LRRIQ1: variants seen among roughly 807,000 people sequenced by gnomAD.
LRRIQ1 encodes leucine rich repeats and IQ motif containing 1.
A neutral mutation model predicts 211.9 loss-of-function variants in LRRIQ1; 210 were observed. That is an observed-to-expected ratio of 0.99 (90% CI 0.89 to 1.11). The LOEUF is 1.11. LRRIQ1 is among the 50% of genes most tolerant of loss of function. The pLI is 0.00. For missense variants in LRRIQ1, 2,136 were observed against 1,939.5 expected (o/e 1.10, Z -1.90); for synonymous variants, 699 against 650.1 (o/e 1.08, Z -1.14).
intron 11 of LRRIQ1, among the ~76,000 whole-genome samples, chr12:85,078,331 G>T (rs1366370247): frequency 6.6e-6 from 1 of 152,088 alleles, no homozygotes; most frequent in Non-Finnish European, 1.5e-5. Context: ...ATAATGAGGT[G>T]AAGTTACCCT....
intron 10 of LRRIQ1, among the ~76,000 whole-genome samples, chr12:85,072,541 T>G (rs939848493): frequency 1.1e-5 from 1 of 89,270 alleles, no homozygotes; most frequent in African/African-American, 3.0e-5. Context: ...TTAATCAGCC[T>G]TTTTTTTTTT....
chr12:85,072,088 C>T (rs866286738), intron 10 of LRRIQ1, among the ~76,000 whole-genome samples: 93 of 151,990 alleles, frequency 6.1e-4, no homozygotes, highest in Admixed American at 4.4e-3. Flanking sequence ...TTTTTTCAAT[C>T]GTATTGACAT....
chr12:85,044,986 A>C (rs1879366136), intron 4 of LRRIQ1, among the ~76,000 whole-genome samples, 177 bp downstream of exon 4: 1 of 151,916 alleles, frequency 6.6e-6, no homozygotes, highest in Non-Finnish European at 1.5e-5. Flanking sequence ...ATATAAAAAC[A>C]CTCAATTTTC....
At chr12:85,237,757 G>A (rs1176892791) in intron 26 of LRRIQ1, among the ~76,000 whole-genome samples, 1 of 151,890 alleles carries the variant, frequency 6.6e-6, no homozygotes, top group East Asian at 1.9e-4. Context: ...AAAAGACCAA[G>A]TTAATCAACA....
intron 15 of LRRIQ1, among the ~76,000 whole-genome samples, chr12:85,110,109 T>C (rs1348336153): frequency 3.3e-5 from 5 of 152,124 alleles, no homozygotes; most frequent in Non-Finnish European, 7.4e-5. Context: ...AAATTTACTA[T>C]TTCCCATTAC....
At chr12:85,120,400 T>G (rs1257022877) in intron 15 of LRRIQ1, among the ~76,000 whole-genome samples, 1 of 152,224 alleles carries the variant, frequency 6.6e-6, no homozygotes, top group Non-Finnish European at 1.5e-5. Flanking sequence ...TGTCTATTCT[T>G]TCACCAATAC....
intron 24 of LRRIQ1, among the ~76,000 whole-genome samples, chr12:85,198,864 G>A (rs1320474508): frequency 6.6e-6 from 1 of 151,802 alleles, no homozygotes; most frequent in African/African-American, 2.4e-5. Flanking sequence ...CACCGCACCC[G>A]GCCGATGTTA....
At chr12:85,230,735 G>A (rs1311495596) in intron 25 of LRRIQ1, among the ~76,000 whole-genome samples, 2 of 152,158 alleles carry the variant, frequency 1.3e-5, no homozygotes, top group African/African-American at 4.8e-5. Context: ...GAGTAAAAGT[G>A]TTATTATAGG....
chr12:85,190,036 T>C (rs1206544197), intron 24 of LRRIQ1, among the ~76,000 whole-genome samples: 1 of 142,010 alleles, frequency 7.0e-6, no homozygotes, highest in Non-Finnish European at 1.5e-5. Flanking sequence ...ATATATAATA[T>C]ATAACCTATA....
At chr12:85,124,705 GC>G in intron 17 of LRRIQ1, 186 bp downstream of exon 17, 1 of 535,318 alleles carries the variant, frequency 1.9e-6, no homozygotes, top group Non-Finnish European at 3.3e-6. Context: ...TAATTATAGT[GC>G]ATATTAATTT....
intron 24 of LRRIQ1, among the ~76,000 whole-genome samples, chr12:85,222,916 G>A (rs774093833): frequency 2.6e-5 from 4 of 152,108 alleles, no homozygotes; most frequent in Non-Finnish European, 5.9e-5. Context: ...AAGTAAAATG[G>A]TTGCAATGGC....
chr12:85,093,738 A>G lies in LRRIQ1; in HGVS notation c.2888-4617A>G, dbSNP rs1289890999. 2.0e-5 allele frequency among the ~76,000 whole-genome samples: 3 copies of G among 152,228 alleles called. No individual in the cohort carries two copies. The East Asian group carries it at 5.8e-4, about 29-fold the overall frequency. ...TCGGCAGATAAAGTGACTGCATTCAAAGCCAAACTGGAATTTTGGATGCAA... is the reference window on the plus strand; with the variant it reads ...TCGGCAGATAAAGTGACTGCATTCAGAGCCAAACTGGAATTTTGGATGCAA... On this transcript the variant is annotated intron_variant, in intron 11 of 26. Transcript: ENST00000393217.
chr12:85,043,696 A>G (rs2135897220), intron 3 of LRRIQ1, among the ~76,000 whole-genome samples: 1 of 152,194 alleles, frequency 6.6e-6, no homozygotes. Context: ...CGAGTTATTA[A>G]TAAGACTGAA....
chr12:85,096,866 G>A (rs1357020780), intron 11 of LRRIQ1, among the ~76,000 whole-genome samples: 1 of 152,036 alleles, frequency 6.6e-6, no homozygotes, highest in Admixed American at 6.6e-5. Context: ...TGTATTTAGG[G>A]TAATTATGTC....
intron 11 of LRRIQ1, among the ~76,000 whole-genome samples, chr12:85,080,946 T>C (rs1884218710): frequency 6.6e-6 from 1 of 152,070 alleles, no homozygotes; most frequent in Admixed American, 6.6e-5. Flanking sequence ...GGCTAGTATA[T>C]TATTATTTTC....
At chr12:85,053,862 T>G (rs1592705229) in intron 7 of LRRIQ1, among the ~76,000 whole-genome samples, 1 of 152,254 alleles carries the variant, frequency 6.6e-6, no homozygotes, top group South Asian at 2.1e-4. Context: ...CGCCCGCCAC[T>G]GCGCCCAGCT....
At chr12:85,043,687 G>A (rs554990146) in intron 3 of LRRIQ1, among the ~76,000 whole-genome samples, 15 of 152,058 alleles carry the variant, frequency 9.9e-5, no homozygotes, top group African/African-American at 3.1e-4. Context: ...ATAAGTAACC[G>A]AGTTATTAAT....
chr12:85,040,455 A>G (rs753553348), intron 2 of LRRIQ1, 35 bp from the exon 3 acceptor site: 1 of 1,288,876 alleles, frequency 7.8e-7, no homozygotes, highest in Admixed American at 2.3e-5. Context: ...GATAATAAAC[A>G]CTTTCACAGT....
intron 24 of LRRIQ1, among the ~76,000 whole-genome samples, chr12:85,195,378 G>T (rs952502067): frequency 9.9e-5 from 15 of 151,660 alleles, no homozygotes; most frequent in Non-Finnish European, 1.5e-4. Flanking sequence ...AAAAAAAAGA[G>T]AATTTTAGAC....
Sources: allele counts gnomAD v4.1 joint callset (sites outside exome capture counted in the v4.1 genomes callset), GRCh38; gene constraint gnomAD v4.1.1; transcripts MANE v1.5; gene names NCBI Gene and HGNC (gene_info 2026-07-23, HGNC 2026-07-21).